Variants in PHACTR1 observed in about 807,000 individuals in gnomAD.
PHACTR1 encodes RPEL repeat containing 1.
A neutral mutation model predicts 69.2 loss-of-function variants in PHACTR1; 16 were observed. The observed-to-expected ratio is 0.23, with a 90% CI of 0.16 to 0.35. The LOEUF is 0.35. Ranked by LOEUF, PHACTR1 falls within the 10% of genes least tolerant of loss-of-function variation. The pLI, the probability that PHACTR1 is intolerant of heterozygous loss-of-function variation, is 1.00. For synonymous variants in PHACTR1, 312 were observed against 284.5 expected, an observed-to-expected ratio of 1.10 and a Z score of -0.97; for missense variants, 510 against 734.7, an observed-to-expected ratio of 0.69 and a Z score of 3.54.
At chr6:13,227,018 G>A (rs1241487528) in intron 8 of PHACTR1, among the ~76,000 whole-genome samples, 1 of 152,112 alleles carries the variant, frequency 6.6e-6, no homozygotes, top group East Asian at 1.9e-4. Flanking sequence ...TTACAGGCAT[G>A]AGCCACCACG....
chr6:12,972,243 CAG>C (rs1323992710), intron 4 of PHACTR1, among the ~76,000 whole-genome samples: 1 of 152,182 alleles, frequency 6.6e-6, no homozygotes, highest in Admixed American at 6.5e-5. Flanking sequence ...GATTGGAACT[CAG>C]GGGATGTCTC....
chr6:12,944,128 A>G (rs1295454660), intron 4 of PHACTR1, among the ~76,000 whole-genome samples: 1 of 152,156 alleles, frequency 6.6e-6, no homozygotes, highest in Non-Finnish European at 1.5e-5. Flanking sequence ...AAAAGGGATG[A>G]CTCTTTTATT....
chr6:12,823,724 G>A (rs564160156), intron 4 of PHACTR1, among the ~76,000 whole-genome samples: 15 of 152,148 alleles, frequency 9.9e-5, no homozygotes, highest in East Asian at 1.9e-4. Flanking sequence ...CGATTTTGTC[G>A]GTTGGTCTGT....
chr6:13,073,228 A>T (rs1173890661), intron 5 of PHACTR1, among the ~76,000 whole-genome samples: 2 of 151,812 alleles, frequency 1.3e-5, no homozygotes, highest in Non-Finnish European at 2.9e-5. Context: ...GGATTAACAA[A>T]AAAAAAAGAA....
intron 5 of PHACTR1, among the ~76,000 whole-genome samples, chr6:13,069,366 T>C (rs1168744451): frequency 6.6e-6 from 1 of 152,114 alleles, no homozygotes; most frequent in Non-Finnish European, 1.5e-5. Flanking sequence ...CTTTAACACT[T>C]CTTTTTCTCT....
At chr6:12,898,348 G>A (rs986819949) in intron 4 of PHACTR1, among the ~76,000 whole-genome samples, 1 of 141,864 alleles carries the variant, frequency 7.0e-6, no homozygotes, top group African/African-American at 2.5e-5. Context: ...CACTTCATTC[G>A]AGCTTGCCCT....
Position 13,287,339 on chromosome 6 carries a change from G to A in PHACTR1, c.*261G>A, listed in dbSNP as rs1174330290. Reference sequence around the variant, plus strand: ...CCCGGCAGTGCCAAGGGCACCAGCAGGGCCCTGACTGAAGACTGTCTGGCA... The same window carrying A: ...CCCGGCAGTGCCAAGGGCACCAGCAAGGCCCTGACTGAAGACTGTCTGGCA... On this transcript the variant is annotated 3_prime_UTR_variant, in exon 15 of 15. Transcript: ENST00000332995. 1.2e-5 allele frequency: 6 copies of A among 520,548 alleles called. No homozygotes were observed. Among genetic ancestry groups the A allele is most frequent in the Non-Finnish European group, 2.0e-5 (6 of 293,956 alleles). 32.2% of individuals were successfully genotyped at this position (520,548 alleles called of 1,614,324 possible). A position where few individuals can be genotyped will look rare whatever the true frequency, so the allele number is the denominator to read the frequency against.
At chr6:13,210,881 C>T (rs1385494288) in intron 8 of PHACTR1, among the ~76,000 whole-genome samples, 1 of 146,096 alleles carries the variant, frequency 6.8e-6, no homozygotes, top group African/African-American at 2.5e-5. Flanking sequence ...TGGTGAGCCA[C>T]ATCTTTTGGA....
chr6:12,823,958 A>T (rs1050493188), intron 4 of PHACTR1, among the ~76,000 whole-genome samples: 8 of 152,076 alleles, frequency 5.3e-5, no homozygotes, highest in African/African-American at 1.9e-4. Flanking sequence ...CCTACCTCAG[A>T]GGTCCCCAAC....
chr6:12,759,682 T>C (rs1349250350), intron 4 of PHACTR1, among the ~76,000 whole-genome samples: 1 of 152,224 alleles, frequency 6.6e-6, no homozygotes, highest in Non-Finnish European at 1.5e-5. Flanking sequence ...ATGGATTATA[T>C]TTGTCTTTTT....
intron 4 of PHACTR1, chr6:12,957,255 C>CAAAAA (rs35500368): frequency 6.6e-5 from 18 of 272,184 alleles, no homozygotes; most frequent in East Asian, 3.3e-4. Context: ...AACAAATACT[C>CAAAAA]AAAAAAAAAA....
intron 4 of PHACTR1, among the ~76,000 whole-genome samples, chr6:12,783,756 A>T (rs1166957832): frequency 6.6e-6 from 1 of 152,230 alleles, no homozygotes; most frequent in East Asian, 1.9e-4. Flanking sequence ...AAGTGCAAGT[A>T]ACTAGACATA....
chr6:13,090,406 A>G (rs1463693611), intron 5 of PHACTR1, among the ~76,000 whole-genome samples: 1 of 150,788 alleles, frequency 6.6e-6, no homozygotes, highest in African/African-American at 2.4e-5. Context: ...GCTTACTGCA[A>G]CCTCTGCCTC....
chr6:13,207,403 T>C (rs1766098061), intron 8 of PHACTR1, among the ~76,000 whole-genome samples: 1 of 152,190 alleles, frequency 6.6e-6, no homozygotes, highest in Non-Finnish European at 1.5e-5. Context: ...CTTGTGAGGC[T>C]AATATTTGGC....
chr6:13,042,955 T>C (rs983791635), intron 4 of PHACTR1, among the ~76,000 whole-genome samples: 1 of 152,178 alleles, frequency 6.6e-6, no homozygotes, highest in Non-Finnish European at 1.5e-5. Context: ...CTCAACCTAG[T>C]GTAAGTAAAA....
At chr6:12,948,156 G>A (rs6922782) in intron 4 of PHACTR1, among the ~76,000 whole-genome samples, 50,324 of 152,088 alleles carry the variant, frequency 0.33, 9,195 homozygotes, top group African/African-American at 0.48. Context: ...CTGTTCTAGG[G>A]TAATCTGGCC....
intron 5 of PHACTR1, among the ~76,000 whole-genome samples, chr6:13,112,977 G>C (rs933035292): frequency 3.3e-5 from 5 of 152,022 alleles, no homozygotes; most frequent in Admixed American, 2.6e-4. Context: ...GTATTACCTA[G>C]GTTGCTTTCC....
At chr6:12,768,949 A>G (rs1022937453) in intron 4 of PHACTR1, among the ~76,000 whole-genome samples, 4 of 152,112 alleles carry the variant, frequency 2.6e-5, no homozygotes, top group Admixed American at 2.0e-4. Context: ...TATTAAGTGA[A>G]ATAAACCAGG....
chr6:12,975,934 T>C (rs940557082), intron 4 of PHACTR1, among the ~76,000 whole-genome samples: 4 of 152,230 alleles, frequency 2.6e-5, no homozygotes, highest in African/African-American at 7.2e-5. Context: ...AATGGGCCGA[T>C]TGGTCTTATG....
Sources: gnomAD v4.1 joint callset for allele counts (sites outside exome capture counted in the v4.1 genomes callset) on GRCh38, gnomAD v4.1.1 for gene constraint, MANE v1.5 for transcripts, NCBI Gene and HGNC (gene_info 2026-07-23, HGNC 2026-07-21) for gene names.